SRBD1: variants seen among roughly 807,000 people sequenced by gnomAD.
SRBD1 encodes S1 RNA binding domain 1.
In SRBD1, 88 loss-of-function variants were observed where a neutral mutation model predicts 115.3. That is an observed-to-expected ratio of 0.76 (90% CI 0.64 to 0.91). The LOEUF is 0.91. SRBD1 is among the 40% of genes least tolerant of loss of function. The probability of loss-of-function intolerance (pLI) is 0.00; values close to 1 mark genes in which losing one functional copy is unlikely to be tolerated. For missense variants in SRBD1, 1,385 were observed against 1,177.4 expected, an observed-to-expected ratio of 1.18 and a Z score of -2.58; for synonymous variants, 509 against 407.7, an observed-to-expected ratio of 1.25 and a Z score of -2.99.
At chr2:45,580,577 T>C (rs1295158476) in intron 6 of SRBD1, among the ~76,000 whole-genome samples, 1 of 148,902 alleles carries the variant, frequency 6.7e-6, no homozygotes, top group Non-Finnish European at 1.5e-5. Context: ...GCCAGGGTGA[T>C]CTTGATCTCT....
intron 16 of SRBD1, among the ~76,000 whole-genome samples, chr2:45,424,288 C>G (rs1224258697): frequency 6.6e-6 from 1 of 152,146 alleles, no homozygotes; most frequent in Non-Finnish European, 1.5e-5. Context: ...TATTGATACA[C>G]TTGTGTAATC....
chr2:45,411,936 C>A (rs1215089230), intron 19 of SRBD1, among the ~76,000 whole-genome samples: 1 of 152,046 alleles, frequency 6.6e-6, no homozygotes, highest in African/African-American at 2.4e-5. Context: ...TACAGCGAAA[C>A]TCTATCTCTA....
At chr2:45,549,877 A>G (rs1239541234) in intron 12 of SRBD1, among the ~76,000 whole-genome samples, 4 of 152,060 alleles carry the variant, frequency 2.6e-5, no homozygotes, top group African/African-American at 4.8e-5. Context: ...AAAGTTAAAT[A>G]AATAAAAGAA....
rs1301535246 is a variant in SRBD1, at chr2:45,459,060, CAG to C, written c.2049+17931_2049+17932del. ...CCAGATCATGCATCCCAACAAACTA[CAG>C]AGTTTGTTTCTGTTGTTGCTGCTGT... On this transcript the variant is annotated intron_variant, in intron 16 of 20. Coordinates refer to ENST00000263736, the MANE Select transcript of SRBD1 (RefSeq NM_018079.5). Among the ~76,000 whole-genome samples the C allele has an allele frequency of 5.9e-5, 9 of 152,222 alleles. 1 individual carries two copies. The highest frequency in any genetic ancestry group is 4.2e-4 in the South Asian group (2 of 4,816).
At chr2:45,589,300 G>T (rs1353207182) in intron 4 of SRBD1, among the ~76,000 whole-genome samples, 1 of 152,134 alleles carries the variant, frequency 6.6e-6, no homozygotes, top group Non-Finnish European at 1.5e-5. Context: ...ATCTAGAGGG[G>T]AAGATAAAAT....
At chr2:45,496,120 A>C (rs997621893) in intron 14 of SRBD1, among the ~76,000 whole-genome samples, 3 of 152,232 alleles carry the variant, frequency 2.0e-5, no homozygotes, top group Admixed American at 2.0e-4. Flanking sequence ...TTTGCTTAAC[A>C]AAGGGAAAAG....
At chr2:45,473,831 G>C (rs1669723840) in intron 16 of SRBD1, among the ~76,000 whole-genome samples, 1 of 152,130 alleles carries the variant, frequency 6.6e-6, no homozygotes, top group South Asian at 2.1e-4. Context: ...GTTTTCAGAA[G>C]ACTTGTCTGT....
At chr2:45,493,587 G>C (rs961059449) in intron 14 of SRBD1, among the ~76,000 whole-genome samples, 1 of 152,020 alleles carries the variant, frequency 6.6e-6, no homozygotes, top group African/African-American at 2.4e-5. Flanking sequence ...CAGGTGGGTG[G>C]ATCACCTGAG....
intron 19 of SRBD1, among the ~76,000 whole-genome samples, chr2:45,405,024 T>C (rs1254666688): frequency 6.6e-6 from 1 of 152,188 alleles, no homozygotes; most frequent in African/African-American, 2.4e-5. Context: ...AGGCCTGCGA[T>C]GACTACCCTA....
At chr2:45,489,142 G>A (rs1670214469) in intron 14 of SRBD1, among the ~76,000 whole-genome samples, 1 of 152,138 alleles carries the variant, frequency 6.6e-6, no homozygotes. Context: ...TTACATTAGA[G>A]TTCTCCTTTA....
chr2:45,510,414 T>C (rs1670931505), intron 14 of SRBD1, among the ~76,000 whole-genome samples: 1 of 152,222 alleles, frequency 6.6e-6, no homozygotes, highest in African/African-American at 2.4e-5. Flanking sequence ...ATTGTCCTTC[T>C]GGAAAGCTAT....
chr2:45,551,346 C>G, intron 11 of SRBD1, 64 bp from the exon 12 acceptor site: 1 of 1,457,282 alleles, frequency 6.9e-7, no homozygotes, highest in South Asian at 1.3e-5. Flanking sequence ...AGAAAAGGAG[C>G]AGAATTCATT....
intron 14 of SRBD1, among the ~76,000 whole-genome samples, chr2:45,520,558 G>A (rs547433756): frequency 1.8e-4 from 28 of 152,268 alleles, no homozygotes; most frequent in Non-Finnish European, 3.1e-4. Flanking sequence ...TCTTGTTTTC[G>A]TGCCCAAAAA....
chr2:45,436,754 A>T (rs1391790013), intron 16 of SRBD1, among the ~76,000 whole-genome samples: 1 of 152,164 alleles, frequency 6.6e-6, no homozygotes, highest in Non-Finnish European at 1.5e-5. Flanking sequence ...CTCCCTCAAG[A>T]CCTGATGATT....
At chr2:45,581,958 C>G (rs1673379068) in intron 5 of SRBD1, 148 bp from the exon 6 acceptor site, 1 of 635,580 alleles carries the variant, frequency 1.6e-6, no homozygotes, top group African/African-American at 1.8e-5. Context: ...CATCCCTGCA[C>G]TCCAACACTT....
intron 14 of SRBD1, among the ~76,000 whole-genome samples, chr2:45,534,092 G>A (rs949816106): frequency 6.6e-6 from 1 of 151,746 alleles, no homozygotes; most frequent in Admixed American, 6.6e-5. Context: ...TTACAAAACT[G>A]GTAAAACATT....
intron 14 of SRBD1, among the ~76,000 whole-genome samples, chr2:45,503,684 T>TA (rs1670709793): frequency 6.6e-6 from 1 of 152,172 alleles, no homozygotes; most frequent in Admixed American, 6.5e-5. Context: ...AATTAGCAAC[T>TA]GTGTGAAACA....
chr2:45,524,628 T>C (rs572452112), intron 14 of SRBD1, among the ~76,000 whole-genome samples: 1 of 152,096 alleles, frequency 6.6e-6, no homozygotes, highest in East Asian at 1.9e-4. Flanking sequence ...CAGAACATTG[T>C]TGAAAGAAAT....
chr2:45,560,583 A>C (rs1316179788), intron 10 of SRBD1, among the ~76,000 whole-genome samples: 1 of 152,240 alleles, frequency 6.6e-6, no homozygotes, highest in Non-Finnish European at 1.5e-5. Flanking sequence ...AAAGAAATTA[A>C]GTAGCATGCC....
Sources: gnomAD v4.1 joint callset for allele counts (sites outside exome capture counted in the v4.1 genomes callset) on GRCh38, gnomAD v4.1.1 for gene constraint, MANE v1.5 for transcripts, NCBI Gene and HGNC (gene_info 2026-07-23, HGNC 2026-07-21) for gene names.